TET2: variants seen among roughly 807,000 people sequenced by gnomAD.
TET2 encodes methylcytosine dioxygenase TET2.
A neutral mutation model predicts 142.9 loss-of-function variants in TET2; 299 were observed. That is an observed-to-expected ratio of 2.09 (90% confidence interval 1.90 to 2.30). The LOEUF (loss-of-function observed/expected upper bound fraction) is 2.30, where lower values mean the gene tolerates loss of function less well. Ranked by LOEUF, TET2 falls within the 30% of genes most tolerant of loss-of-function variation. TET2 has a pLI of 0.00. For synonymous variants in TET2, 819 were observed against 849.0 expected (o/e 0.96, Z 0.61); for missense variants, 2,418 against 2,378.0 (o/e 1.02, Z -0.35).
chr4:105,188,257 A>C (rs1725575472), intron 1 of TET2, among the ~76,000 whole-genome samples: 1 of 152,254 alleles, frequency 6.6e-6, no homozygotes, highest in African/African-American at 2.4e-5. Context: ...TAAGTGGAAT[A>C]AGCCAATCAC....
chr4:105,215,045 T>G (rs908488241), intron 2 of TET2, among the ~76,000 whole-genome samples: 13 of 152,090 alleles, frequency 8.5e-5, no homozygotes, highest in Non-Finnish European at 1.9e-4. Context: ...TGACACTGTC[T>G]CCGGGAATTA....
intron 8 of TET2, among the ~76,000 whole-genome samples, chr4:105,262,415 C>T (rs1730485981): frequency 6.6e-6 from 1 of 151,734 alleles, no homozygotes; most frequent in Non-Finnish European, 1.5e-5. Context: ...CTAGTTAAGA[C>T]AGGTAGATGA....
chr4:105,201,651 G>A (rs945935759), intron 2 of TET2, among the ~76,000 whole-genome samples: 3 of 149,602 alleles, frequency 2.0e-5, no homozygotes, highest in Non-Finnish European at 3.0e-5. Flanking sequence ...AGTAATAGAA[G>A]GTTACCAAGT....
chr4:105,260,730 A>T (rs1241626377), intron 7 of TET2, among the ~76,000 whole-genome samples: 1 of 152,162 alleles, frequency 6.6e-6, no homozygotes, highest in Non-Finnish European at 1.5e-5. Context: ...AAGTGCAAAA[A>T]CTCCTGAAAT....
At chr4:105,157,589 G>C (rs1455220819) in intron 1 of TET2, among the ~76,000 whole-genome samples, 1 of 152,122 alleles carries the variant, frequency 6.6e-6, no homozygotes, top group African/African-American at 2.4e-5. Flanking sequence ...CCTTATTAAT[G>C]GCTAAGATTT....
chr4:105,160,484 T>G (rs952649135), intron 1 of TET2, among the ~76,000 whole-genome samples: 16 of 152,188 alleles, frequency 1.1e-4, no homozygotes, highest in Admixed American at 5.9e-4. Flanking sequence ...AAGGATCATT[T>G]GAGATGGATG....
Position 105,194,350 on chromosome 4 carries a change from G to T in TET2, c.-47+3845G>T, listed in dbSNP as rs545487855. ...CCTTTAGTCATTGTTGAAGTTTCCT[G>T]ATTTACAATGTTATCTTTTTATCTT... On this transcript the variant is annotated intron_variant, in intron 2 of 10. Transcript: ENST00000380013. 6.0e-4 allele frequency among the ~76,000 whole-genome samples: 92 copies of T among 152,164 alleles called. 2 individuals are homozygous for T. Among genetic ancestry groups the T allele is most frequent in the Non-Finnish European group, 1.2e-3 (79 of 67,964 alleles).
intron 3 of TET2, chr4:105,240,987 G>T (rs965346800): frequency 3.0e-5 from 31 of 1,029,370 alleles, no homozygotes; most frequent in African/African-American, 3.4e-5. Context: ...AGCTTTAAAT[G>T]TTTTTTTTTT....
At position 105,236,100 on chromosome 4, in the gene TET2, C is replaced by T. The variant is rs2110232014; in HGVS notation, c.2158C>T (p.Gln720Ter). 1 of 1,614,126 alleles carries T rather than the reference C, an allele frequency of 6.2e-7. No individual in the cohort carries two copies. The highest frequency in any genetic ancestry group is 8.5e-7 in the Non-Finnish European group (1 of 1,180,014). Residue 720 changes from glutamine to a stop codon, truncating the protein, a stop_gained, in exon 3 of 11, where the codon CAA becomes TAA. Coordinates refer to ENST00000380013, the MANE Select transcript of TET2 (RefSeq NM_001127208.3). LOFTEE classifies it high-confidence loss of function. ...TEPFSNSHLLQHKPHKQAAQT... is the reference protein window; with the variant it reads ...TEPFSNSHLL ...GCCATTTTCAAACTCACACCTTTTG[C>T]AACATAAGCCTCATAAACAGGCAGC...
chr4:105,259,487 A>G (rs1730309219), intron 6 of TET2, 132 bp from the exon 7 acceptor site: 1 of 762,974 alleles, frequency 1.3e-6, no homozygotes, highest in East Asian at 2.8e-5. Context: ...GTGTGTGGTT[A>G]TGCCACAGCT....
In TET2 at chr4:105,269,748, G is replaced by C; in HGVS notation, c.4182+1G>C. On this transcript the variant is annotated splice_donor_variant, in intron 9 of 10. Coordinates refer to ENST00000380013, the MANE Select transcript of TET2 (RefSeq NM_001127208.3). LOFTEE classifies it high-confidence loss of function. ...CAACATGCAGAATGGCAGCACATTG[G>C]TAAGTTGGGCTGAGGACAGCTTAGC... is the stretch of plus-strand genomic sequence containing the variant. The C allele has an allele frequency of 1.3e-6, 2 of 1,551,554 alleles. No homozygotes were observed. The highest frequency in any genetic ancestry group is 1.7e-6 in the Non-Finnish European group (2 of 1,146,888).
intron 6 of TET2, among the ~76,000 whole-genome samples, chr4:105,247,071 TTA>T (rs1286937620): frequency 6.6e-6 from 1 of 152,196 alleles, no homozygotes; most frequent in African/African-American, 2.4e-5. Context: ...TCAAGGAACT[TTA>T]TATTATAAAA....
intron 6 of TET2, among the ~76,000 whole-genome samples, chr4:105,244,355 A>T (rs1335515285): frequency 6.6e-6 from 1 of 152,106 alleles, no homozygotes; most frequent in Non-Finnish European, 1.5e-5. Context: ...CTGGATATGG[A>T]TATATATTAT....
chr4:105,149,973 G>A (rs2110342402), intron 1 of TET2, among the ~76,000 whole-genome samples: 1 of 152,292 alleles, frequency 6.6e-6, no homozygotes, highest in East Asian at 1.9e-4. Context: ...TGGAGTTAAT[G>A]TTTTAGTTTC....
At chr4:105,237,385 T>A in intron 3 of TET2, 34 bp downstream of exon 3, 1 of 1,614,072 alleles carries the variant, frequency 6.2e-7, no homozygotes, top group Non-Finnish European at 8.5e-7. Context: ...ACACATGGCG[T>A]TTATCCAGAA....
chr4:105,247,560 A>C (rs1271191607), intron 6 of TET2, among the ~76,000 whole-genome samples: 1 of 151,860 alleles, frequency 6.6e-6, no homozygotes, highest in Non-Finnish European at 1.5e-5. Context: ...TATGAATTTG[A>C]ATTTGTTTTT....
Position 105,276,842 on chromosome 4 carries a change from C to CCG in TET2, c.*324_*325insGC. On this transcript the variant is annotated 3_prime_UTR_variant, in exon 11 of 11. Coordinates refer to ENST00000380013, the MANE Select transcript of TET2 (RefSeq NM_001127208.3). ...CGAGATGATATGTAAATGTGATCCC[C>CCG]CCCCCCCGCTTACAACTCTACACAT... 1 of 188,244 alleles carries CCG rather than the reference C, an allele frequency of 5.3e-6. No homozygotes were observed. The highest frequency in any genetic ancestry group is 1.0e-5 in the Non-Finnish European group (1 of 95,466). The allele number at this position is 188,244 out of a possible 1,614,324, so 11.7% of individuals were successfully genotyped here. A position where few individuals can be genotyped will look rare whatever the true frequency, so the allele number is the denominator to read the frequency against.
At chr4:105,243,367 CCTTGTTCTGATA>C (rs1729407886) in intron 5 of TET2, among the ~76,000 whole-genome samples, 191 bp from the exon 6 acceptor site, 1 of 152,116 alleles carries the variant, frequency 6.6e-6, no homozygotes, top group South Asian at 2.1e-4. Flanking sequence ...TTGCATCTCT[CCTTGTTCTGATA>C]CTAGGGTCAA....
At chr4:105,189,292 A>G (rs1725646345) in intron 1 of TET2, among the ~76,000 whole-genome samples, 1 of 152,186 alleles carries the variant, frequency 6.6e-6, no homozygotes, top group African/African-American at 2.4e-5. Context: ...GCATTTACCA[A>G]GAACCCCGGG....
Sources: gnomAD v4.1 joint callset for allele counts (sites outside exome capture counted in the v4.1 genomes callset) on GRCh38, gnomAD v4.1.1 for gene constraint, MANE v1.5 for transcripts, NCBI Gene and HGNC (gene_info 2026-07-23, HGNC 2026-07-21) for gene names.